Variants in FNBP1 observed in about 807,000 individuals in gnomAD.
The protein encoded by FNBP1 is formin-binding protein 1.
FNBP1 carries 26 observed loss-of-function variants against 90.6 expected under a neutral mutation model. The ratio of observed to expected loss-of-function variants is 0.29; its 90% CI spans 0.21 to 0.40. FNBP1 has a LOEUF of 0.40. Ranked by LOEUF, FNBP1 falls within the 10% of genes least tolerant of loss-of-function variation. FNBP1 has a pLI of 1.00. For missense variants in FNBP1, 635 were observed against 768.0 expected (o/e 0.83, Z 2.05); for synonymous variants, 260 against 265.2 (o/e 0.98, Z 0.19).
At chr9:130,043,623 C>T (rs762578253), upstream of FNBP1, among the ~76,000 whole-genome samples, 4 of 152,200 alleles carry the variant, frequency 2.6e-5, no homozygotes, top group Non-Finnish European at 5.9e-5. Flanking sequence ...TCCCACCGCC[C>T]GAGGGAAGCC....
At chr9:129,991,519 C>T (rs1189510466) in intron 2 of FNBP1, among the ~76,000 whole-genome samples, 3 of 152,050 alleles carry the variant, frequency 2.0e-5, no homozygotes, top group East Asian at 3.9e-4. Context: ...GTACCCACCT[C>T]GGCCTCCTGA....
chr9:129,977,158 CAA>C (rs775191627), intron 4 of FNBP1, among the ~76,000 whole-genome samples: 4 of 128,772 alleles, frequency 3.1e-5, no homozygotes, highest in Non-Finnish European at 3.3e-5. Context: ...AACTCCGTCT[CAA>C]AAAAAAAAAA....
In FNBP1 at chr9:129,922,210, G is replaced by A. The variant is rs555433987; in HGVS notation, c.1170+1634C>T. On this transcript the variant is annotated intron_variant, in intron 10 of 16. Transcript: ENST00000446176. Reference sequence around the variant, plus strand: ...GAAGGCTTAGACTAGACTGGCCATTGAGAATGATTTGGGAATCTACACATT... The same window carrying A: ...GAAGGCTTAGACTAGACTGGCCATTAAGAATGATTTGGGAATCTACACATT... Among the ~76,000 whole-genome samples, 13 of 151,634 alleles carry A rather than the reference G, an allele frequency of 8.6e-5. No individual in the cohort carries two copies. In the South Asian group the frequency reaches 2.5e-3, roughly 29 times the overall value.
chr9:129,947,446 A>G (rs2045484013), intron 6 of FNBP1, among the ~76,000 whole-genome samples: 1 of 151,746 alleles, frequency 6.6e-6, no homozygotes. Flanking sequence ...GTCTCAAAAA[A>G]AAAAAAGAAA....
intron 2 of FNBP1, among the ~76,000 whole-genome samples, chr9:129,994,296 A>T (rs2053655548): frequency 6.6e-6 from 1 of 152,174 alleles, no homozygotes; most frequent in Non-Finnish European, 1.5e-5. Context: ...TATAGAACAA[A>T]AGAAGCCAGA....
At chr9:130,014,275 G>A (rs1196390934) in intron 1 of FNBP1, among the ~76,000 whole-genome samples, 1 of 147,402 alleles carries the variant, frequency 6.8e-6, no homozygotes, top group Non-Finnish European at 1.5e-5. Context: ...TTTTTGAGAC[G>A]GAGTCTTGCT....
upstream of FNBP1, among the ~76,000 whole-genome samples, chr9:130,046,150 A>T (rs10819590): frequency 0.56 from 85,001 of 151,782 alleles, 24,209 homozygotes; most frequent in East Asian, 0.81. Flanking sequence ...CCCCAAAATG[A>T]TGTCTTTTTA....
At chr9:130,050,832 T>TC in the FNBP1 span, among the ~76,000 whole-genome samples, 1 of 149,070 alleles carries the variant, frequency 6.7e-6, no homozygotes, top group Non-Finnish European at 1.5e-5. Context: ...TTTGTTTTTT[T>TC]GTTTTTGTTT....
chr9:129,925,291 G>C, intron 8 of FNBP1, 134 bp from the exon 9 acceptor site: 1 of 663,554 alleles, frequency 1.5e-6, no homozygotes, highest in Admixed American at 2.7e-5. Flanking sequence ...TGGATCACGA[G>C]GTCAGGAGAT....
chr9:130,043,751 G>A (rs911554353), upstream of FNBP1, among the ~76,000 whole-genome samples: 3 of 152,204 alleles, frequency 2.0e-5, no homozygotes, highest in African/African-American at 7.2e-5. Context: ...ATCCAGGGGC[G>A]TGCACCCAGT....
intron 6 of FNBP1, among the ~76,000 whole-genome samples, chr9:129,931,431 G>A (rs927217962): frequency 1.3e-5 from 2 of 151,504 alleles, no homozygotes; most frequent in Admixed American, 6.6e-5. Context: ...GTGAAACCCC[G>A]TCTCTACTAA....
chr9:129,909,083 G>GC (rs754009910), intron 11 of FNBP1, 84 bp from the exon 12 acceptor site: 4 of 876,368 alleles, frequency 4.6e-6, no homozygotes, highest in Non-Finnish European at 7.7e-6. Flanking sequence ...GCAGCCATGG[G>GC]GGGTGCAGAC....
intron 2 of FNBP1, among the ~76,000 whole-genome samples, chr9:129,990,521 A>G (rs1423106829): frequency 1.3e-5 from 2 of 152,188 alleles, no homozygotes; most frequent in Admixed American, 6.5e-5. Flanking sequence ...GTTACAGCAG[A>G]GAGGAGGAGG....
chr9:130,049,283 G>A, the FNBP1 span, among the ~76,000 whole-genome samples: 1 of 152,154 alleles, frequency 6.6e-6, no homozygotes, highest in South Asian at 2.1e-4. Context: ...CAGCTACCCG[G>A]GAGGCTGAGG....
chr9:129,915,636 T>C (rs1168443798), intron 11 of FNBP1, among the ~76,000 whole-genome samples: 1 of 152,186 alleles, frequency 6.6e-6, no homozygotes, highest in Non-Finnish European at 1.5e-5. Context: ...AGTGCTAGGA[T>C]TACAGGCGTG....
rs1358209450 is a variant in FNBP1 at position 129,966,022 on chromosome 9, G to A, written c.346-7469C>T. On this transcript the variant is annotated intron_variant, in intron 4 of 16. Coordinates refer to ENST00000446176, the MANE Select transcript of FNBP1 (RefSeq NM_015033.3). This position sits in a 1 kb window ranked among gnomAD's most constrained non-coding sequence, Gnocchi z 4.3. ...GTGATCATCCCATGCTCACTGACAT[G>A]CCCACTTGTGAACAGGGCTGCTCCA... Among the ~76,000 whole-genome samples, 1 of 152,090 alleles carries A rather than the reference G, an allele frequency of 6.6e-6. No individual in the cohort carries two copies. The highest frequency in any genetic ancestry group is 2.4e-5 in the African/African-American group (1 of 41,388).
intron 11 of FNBP1, among the ~76,000 whole-genome samples, chr9:129,910,823 T>A (rs2039134826): frequency 6.9e-6 from 1 of 144,858 alleles, no homozygotes; most frequent in Non-Finnish European, 1.5e-5. Context: ...GACACACCCA[T>A]CAGACACACT....
At chr9:130,002,180 C>T (rs957579233) in intron 1 of FNBP1, among the ~76,000 whole-genome samples, 6 of 152,044 alleles carry the variant, frequency 3.9e-5, no homozygotes, top group African/African-American at 1.4e-4. Flanking sequence ...CAAAGCAAGA[C>T]TCCATCTAAA....
At chr9:130,052,279 G>A in the FNBP1 span, among the ~76,000 whole-genome samples, 1 of 152,174 alleles carries the variant, frequency 6.6e-6, no homozygotes, top group Non-Finnish European at 1.5e-5. Context: ...TAGGTCACAT[G>A]ATAATACCCA....
Sources: allele counts gnomAD v4.1 joint callset (sites outside exome capture counted in the v4.1 genomes callset), GRCh38; gene constraint gnomAD v4.1.1; non-coding constraint Gnocchi (gnomAD v3.1); transcripts MANE v1.5; gene names NCBI Gene and HGNC (gene_info 2026-07-23, HGNC 2026-07-21).